DLC1: variants seen among roughly 807,000 people sequenced by gnomAD.
DLC1 encodes rho GTPase-activating protein 7.
A neutral mutation model predicts 140.3 loss-of-function variants in DLC1; 54 were observed. The observed-to-expected ratio is 0.38, with a 90% CI of 0.31 to 0.48. The LOEUF is 0.48. DLC1 is among the 20% of genes least tolerant of loss of function. The pLI, the probability that DLC1 is intolerant of heterozygous loss-of-function variation, is 0.96. For synonymous variants in DLC1, 986 were observed against 728.1 expected (o/e 1.35, Z -5.70); for missense variants, 2,536 against 1,907.0 (o/e 1.33, Z -6.14).
intron 5 of DLC1, among the ~76,000 whole-genome samples, chr8:13,273,816 C>G (rs1831053719): frequency 6.6e-6 from 1 of 151,138 alleles, no homozygotes; most frequent in Non-Finnish European, 1.5e-5. Context: ...AACAAGGAAA[C>G]TTAAAATGTT....
intron 5 of DLC1, among the ~76,000 whole-genome samples, chr8:13,266,590 C>T (rs1396138258): frequency 6.6e-6 from 1 of 151,824 alleles, no homozygotes; most frequent in Non-Finnish European, 1.5e-5. Context: ...ACTAAAAATA[C>T]AAAAATAAGC....
chr8:13,256,647 C>G (rs191464234), intron 5 of DLC1, among the ~76,000 whole-genome samples: 4 of 152,240 alleles, frequency 2.6e-5, no homozygotes, highest in African/African-American at 9.6e-5. Flanking sequence ...ACTGCATATT[C>G]TCACTCATAA....
At chr8:13,476,642 T>C (rs1292633237) in intron 2 of DLC1, among the ~76,000 whole-genome samples, 2 of 152,234 alleles carry the variant, frequency 1.3e-5, no homozygotes, top group East Asian at 3.9e-4. Flanking sequence ...TGCCATAAGA[T>C]GTTAGAGTTA....
chr8:13,584,975 G>A (rs1351490), intron 1 of DLC1, among the ~76,000 whole-genome samples: 150,279 of 152,272 alleles, frequency 0.99, 74,198 homozygotes, highest in East Asian at 1. Context: ...TACCCAAACT[G>A]TGCAGTATAC....
intron 5 of DLC1, among the ~76,000 whole-genome samples, chr8:13,133,745 C>G (rs1822339316): frequency 6.6e-6 from 1 of 152,016 alleles, no homozygotes; most frequent in African/African-American, 2.4e-5. Context: ...TTCTTGGTAG[C>G]TCTGCGTACT....
In DLC1 at chr8:13,385,111, T is replaced by C. The variant is rs6986560; in HGVS notation, c.1314+8442A>G. ...TTTGGGGGTGCCCTAGAGTGCATGG[T>C]GGGAGCGGCCCTGATTTATTTGGTT... On this transcript the variant is annotated intron_variant, in intron 4 of 17. Coordinates refer to ENST00000276297, the MANE Select transcript of DLC1 (RefSeq NM_182643.3). Among the ~76,000 whole-genome samples the C allele has an allele frequency of 2.7e-3, 414 of 152,202 alleles. 2 individuals carry two copies. The highest frequency in any genetic ancestry group is 9.7e-3 in the African/African-American group (404 of 41,546).
intron 5 of DLC1, among the ~76,000 whole-genome samples, chr8:13,264,969 A>T (rs1312186562): frequency 2.6e-5 from 4 of 152,260 alleles, no homozygotes; most frequent in Admixed American, 2.6e-4. Flanking sequence ...TACATACTTC[A>T]GTCTTCAAAG....
intron 5 of DLC1, among the ~76,000 whole-genome samples, chr8:13,287,849 A>C (rs2117449066): frequency 6.6e-6 from 1 of 152,172 alleles, no homozygotes; most frequent in Non-Finnish European, 1.5e-5. Flanking sequence ...TGTAAAATAT[A>C]ATTATTATAA....
intron 1 of DLC1, among the ~76,000 whole-genome samples, chr8:13,580,113 T>G (rs1257363932): frequency 1.1e-5 from 1 of 88,354 alleles, no homozygotes; most frequent in African/African-American, 4.3e-5. Flanking sequence ...CTAATTTAAG[T>G]TGGTTACATT....
At chr8:13,419,933 T>G (rs1838239627) in intron 2 of DLC1, among the ~76,000 whole-genome samples, 1 of 152,210 alleles carries the variant, frequency 6.6e-6, no homozygotes, top group Admixed American at 6.5e-5. Context: ...CTTCCTGCTT[T>G]AGTCTTGGGA....
intron 12 of DLC1, 94 bp from the exon 13 acceptor site, chr8:13,092,919 C>A: frequency 7.5e-7 from 1 of 1,341,786 alleles, no homozygotes. Context: ...TCAAATACCT[C>A]AGCCCAGTAC....
intron 5 of DLC1, among the ~76,000 whole-genome samples, chr8:13,163,004 T>C (rs1278956382): frequency 1.3e-5 from 2 of 152,190 alleles, no homozygotes; most frequent in African/African-American, 4.8e-5. Context: ...TCATTGCCAT[T>C]GTCTGTACTT....
rs140208089 is a variant in DLC1, at chr8:13,339,306, C to T, written c.1315-34004G>A. On this transcript the variant is annotated intron_variant, in intron 4 of 17. Coordinates refer to ENST00000276297, the MANE Select transcript of DLC1 (RefSeq NM_182643.3). Reference sequence around the variant, plus strand: ...AATATGTGATTTTTCTGGCTGCCAGCGACAACCTTCTAGGGTATTTGTAAT... The same window carrying T: ...AATATGTGATTTTTCTGGCTGCCAGTGACAACCTTCTAGGGTATTTGTAAT... 7 of 152,292 alleles carry T rather than the reference C, an allele frequency of 4.6e-5. No homozygotes were observed. The East Asian group carries it at 5.8e-4, about 13-fold the overall frequency. 9.4% of individuals were successfully genotyped at this position (152,292 alleles called of 1,614,324 possible).
Position 13,091,400 on chromosome 8 carries a change from G to A in DLC1, c.3773C>T (p.Pro1258Leu). 6.2e-7 allele frequency: 1 copy of A among 1,614,022 alleles called. No homozygotes were observed. Among genetic ancestry groups the A allele is most frequent in the Non-Finnish European group, 8.5e-7 (1 of 1,180,014 alleles). The change falls in exon 14 of 18, where the codon CCA becomes CTA. Residue 1258 changes from proline to leucine, a missense_variant. By Grantham distance (98) the Pro-to-Leu change is moderately conservative (BLOSUM62 -3). Transcript: ENST00000276297. ...GTTTTCATTCAAATCTTTCTGATCT[G>A]GTTTGCCCAAACTTTGTTTTCTTTG... ...VMQRKQSLGK[P>L]DQKDLNENLA... is the part of the protein sequence containing the mutation.
intron 14 of DLC1, 124 bp from the exon 15 acceptor site, chr8:13,090,594 G>T (rs1205994912): frequency 9.2e-7 from 1 of 1,090,806 alleles, no homozygotes; most frequent in South Asian, 1.6e-5. Context: ...GCATCTTCCC[G>T]CCGGAGGTGG....
chr8:13,489,869 A>G (rs1031090678), intron 2 of DLC1, among the ~76,000 whole-genome samples: 2 of 152,214 alleles, frequency 1.3e-5, no homozygotes, highest in African/African-American at 2.4e-5. Context: ...CTGCACTCCA[A>G]TTATTTGGCT....
intron 4 of DLC1, among the ~76,000 whole-genome samples, chr8:13,358,340 G>A (rs1171936752): frequency 2.6e-5 from 4 of 152,138 alleles, no homozygotes; most frequent in African/African-American, 2.4e-5. Flanking sequence ...CAAAATACTC[G>A]TTTTGTCACC....
At position 13,369,640 on chromosome 8, in the gene DLC1, T is replaced by TC. The variant is rs536521531; in HGVS notation, c.1314+23912dup. On this transcript the variant is annotated intron_variant, in intron 4 of 17. Coordinates refer to ENST00000276297, the MANE Select transcript of DLC1 (RefSeq NM_182643.3). Reference sequence around the variant, plus strand: ...CAATTCATCAGAACCCCTGTTTTTTTCTCCCTTAAAAATACATCTAGAATA... The same window carrying TC: ...CAATTCATCAGAACCCCTGTTTTTTTCCTCCCTTAAAAATACATCTAGAATA... 2.8e-3 allele frequency among the ~76,000 whole-genome samples: 430 copies of TC among 152,194 alleles called. 11 individuals carry two copies. The highest frequency in any genetic ancestry group is 6.9e-4 in the Non-Finnish European group (47 of 68,006).
chr8:13,570,311 A>G (rs998662495), intron 1 of DLC1, among the ~76,000 whole-genome samples: 4 of 136,248 alleles, frequency 2.9e-5, no homozygotes, highest in East Asian at 4.4e-4. Flanking sequence ...TTTTTTTATT[A>G]TACTTTAAGT....
Sources: gnomAD v4.1 joint callset for allele counts (sites outside exome capture counted in the v4.1 genomes callset) on GRCh38, gnomAD v4.1.1 for gene constraint, MANE v1.5 for transcripts, NCBI Gene and HGNC (gene_info 2026-07-23, HGNC 2026-07-21) for gene names.